The following FGF14 variants were observed in gnomAD, a reference collection of about 807,000 sequenced individuals.
FGF14 encodes fibroblast growth factor homologous factor 4.
Under a neutral mutation model 25.5 loss-of-function variants are expected in FGF14, and 5 were observed. That is an observed-to-expected ratio of 0.20 (90% CI 0.10 to 0.41). The LOEUF (loss-of-function observed/expected upper bound fraction) is 0.41. Ranked by LOEUF, FGF14 falls within the 10% of genes least tolerant of loss-of-function variation. The pLI is 1.00. For missense variants in FGF14, 222 were observed against 320.1 expected, an observed-to-expected ratio of 0.69 and a Z score of 2.34; for synonymous variants, 138 against 118.3, an observed-to-expected ratio of 1.17 and a Z score of -1.08.
intron 3 of FGF14, among the ~76,000 whole-genome samples, chr13:101,850,527 CTATATATATATATATA>C (rs1326889301): frequency 1.3e-4 from 5 of 39,002 alleles, no homozygotes; most frequent in Admixed American, 3.4e-4. Context: ...ATTATATATT[CTATATATATATATATA>C]TATATATAGA....
chr13:102,132,667 TCAC>T (rs1474943052), intron 1 of FGF14, among the ~76,000 whole-genome samples: 2 of 151,912 alleles, frequency 1.3e-5, no homozygotes, highest in African/African-American at 4.8e-5. Flanking sequence ...TAGGTGTGCA[TCAC>T]CACATCACTT....
intron 3 of FGF14, among the ~76,000 whole-genome samples, chr13:101,827,669 G>A (rs1343433565): frequency 1.3e-5 from 2 of 151,616 alleles, no homozygotes; most frequent in Non-Finnish European, 1.5e-5. Context: ...TTTTAACCTA[G>A]GCTTTTTTTA....
intron 1 of FGF14, among the ~76,000 whole-genome samples, chr13:102,081,196 C>T (rs1013752277): frequency 2.6e-5 from 4 of 152,222 alleles, no homozygotes; most frequent in African/African-American, 9.6e-5. Flanking sequence ...GAAATTGTTG[C>T]CCTTCTTGGC....
chr13:101,929,584 C>T (rs1261208119), intron 1 of FGF14, among the ~76,000 whole-genome samples: 1 of 152,200 alleles, frequency 6.6e-6, no homozygotes, highest in Admixed American at 6.5e-5. Flanking sequence ...TAGACCCACT[C>T]AATTACCTGG....
chr13:102,223,292 G>C (rs1354372582), intron 1 of FGF14, among the ~76,000 whole-genome samples: 1 of 152,228 alleles, frequency 6.6e-6, no homozygotes, highest in East Asian at 1.9e-4. Context: ...TTGGGGAAGA[G>C]GGCAATGCAC....
chr13:101,945,462 G>A (rs1566475267), intron 1 of FGF14, among the ~76,000 whole-genome samples: 1 of 152,180 alleles, frequency 6.6e-6, no homozygotes, highest in African/African-American at 2.4e-5. Context: ...TGAACTGTTA[G>A]AACAGTTAGC....
At chr13:101,964,609 G>C (rs1196782507) in intron 1 of FGF14, among the ~76,000 whole-genome samples, 2 of 152,156 alleles carry the variant, frequency 1.3e-5, no homozygotes, top group East Asian at 3.9e-4. Flanking sequence ...CCCAGAGAAA[G>C]ACTTGAGACT....
chr13:101,933,463 C>T (rs1450144703), intron 1 of FGF14, among the ~76,000 whole-genome samples: 2 of 152,164 alleles, frequency 1.3e-5, no homozygotes, highest in East Asian at 3.9e-4. Flanking sequence ...GTGGTTCATG[C>T]CTGTAATTCC....
intron 1 of FGF14, among the ~76,000 whole-genome samples, chr13:101,968,154 G>T (rs894253777): frequency 3.3e-5 from 5 of 152,162 alleles, no homozygotes; most frequent in African/African-American, 9.7e-5. Context: ...GAGTGAAAGT[G>T]CAGTTATAAG....
intron 1 of FGF14, among the ~76,000 whole-genome samples, chr13:102,329,382 C>A (rs1030976449): frequency 6.6e-6 from 1 of 152,086 alleles, no homozygotes; most frequent in Admixed American, 6.6e-5. Flanking sequence ...TGCCAGATCT[C>A]TCTCCATTCC....
intron 3 of FGF14, among the ~76,000 whole-genome samples, chr13:101,786,633 A>G (rs2039844550): frequency 6.6e-6 from 1 of 152,024 alleles, no homozygotes; most frequent in Non-Finnish European, 1.5e-5. Context: ...ATCAAATTGG[A>G]TTAGGGCCCA....
At chr13:102,172,159 G>T (rs2048277922) in intron 1 of FGF14, among the ~76,000 whole-genome samples, 1 of 151,826 alleles carries the variant, frequency 6.6e-6, no homozygotes. Context: ...AAACCTGTAT[G>T]TTTCTAGGAC....
At chr13:101,944,135 C>A (rs183766163) in intron 1 of FGF14, among the ~76,000 whole-genome samples, 42 of 152,078 alleles carry the variant, frequency 2.8e-4, no homozygotes, top group Non-Finnish European at 3.1e-4. Context: ...TGCCATACTG[C>A]AGAAAGAGCA....
intron 1 of FGF14, among the ~76,000 whole-genome samples, chr13:101,929,146 C>T (rs1429715830): frequency 3.3e-5 from 5 of 152,114 alleles, no homozygotes; most frequent in Non-Finnish European, 7.4e-5. Context: ...CAGAATATAG[C>T]GGGGAAGATG....
chr13:102,162,314 A>C (rs183973251), intron 1 of FGF14, among the ~76,000 whole-genome samples: 6 of 152,306 alleles, frequency 3.9e-5, no homozygotes, highest in Admixed American at 3.9e-4. Context: ...ACTGAAAAGC[A>C]ATTGAAGAGA....
intron 1 of FGF14, among the ~76,000 whole-genome samples, chr13:102,065,726 C>A (rs1365513131): frequency 1.3e-5 from 2 of 151,738 alleles, no homozygotes; most frequent in African/African-American, 2.4e-5. Flanking sequence ...TATAACTGTC[C>A]AAACCTAGAC....
chr13:102,042,959 A>G (rs1305403806), intron 1 of FGF14, among the ~76,000 whole-genome samples: 2 of 152,316 alleles, frequency 1.3e-5, no homozygotes. Context: ...AATATCTCAG[A>G]CATTTGTGCC....
At chr13:101,987,040 C>T (rs182882933) in intron 1 of FGF14, among the ~76,000 whole-genome samples, 1 of 152,124 alleles carries the variant, frequency 6.6e-6, no homozygotes, top group Non-Finnish European at 1.5e-5. Context: ...CAACTGCCAC[C>T]ACCTTAGTCC....
chr13:101,978,565 AT>A lies in FGF14; in HGVS notation c.209-103270del, dbSNP rs1208606965. On this transcript the variant is annotated intron_variant, in intron 1 of 4. Coordinates refer to the FGF14 transcript ENST00000376131. Reference sequence around the variant, plus strand: ...GGTGAAAACAAAGAGATAGCTTTAAATTAAATACCAAATGGGTTTTCTAAGC... The same window carrying A: ...GGTGAAAACAAAGAGATAGCTTTAAATAAATACCAAATGGGTTTTCTAAGC... 2.0e-5 allele frequency among the ~76,000 whole-genome samples: 3 copies of A among 152,348 alleles called. No homozygotes were observed. In the East Asian group the frequency reaches 5.8e-4, roughly 29 times the overall value.
Sources: allele counts gnomAD v4.1 joint callset (sites outside exome capture counted in the v4.1 genomes callset), GRCh38; gene constraint gnomAD v4.1.1; transcripts MANE v1.5; gene names NCBI Gene and HGNC (gene_info 2026-07-23, HGNC 2026-07-21).